The following CNTN1 variants were observed in gnomAD, a reference collection of about 807,000 sequenced individuals.
The protein encoded by CNTN1 is contactin 1.
A neutral mutation model predicts 126.4 loss-of-function variants in CNTN1; 38 were observed. That is an observed-to-expected ratio of 0.30 (90% CI 0.23 to 0.39). CNTN1 has a LOEUF of 0.39. Among genes scored for constraint, CNTN1 ranks in the 10% least tolerant of loss-of-function variants. The pLI is 1.00. For missense variants in CNTN1, 1,009 were observed against 1,248.4 expected (o/e 0.81, Z 2.89); for synonymous variants, 413 against 422.6 (o/e 0.98, Z 0.28).
At chr12:40,802,531 CTT>C (rs1237195905) in intron 1 of CNTN1, among the ~76,000 whole-genome samples, 2 of 151,942 alleles carry the variant, frequency 1.3e-5, no homozygotes, top group African/African-American at 4.8e-5. Flanking sequence ...CCAGTGCAGT[CTT>C]TTTTACATTA....
rs111652140 is a variant in CNTN1 at position 41,047,182 on chromosome 12, C to T, written c.2980+17963C>T. ...ACTCTGAGATATAATCTGTTCATGC[C>T]CTTCAGCCTTGTTTATGACAGTCAC... On this transcript the variant is annotated intron_variant, in intron 23 of 23. Coordinates refer to ENST00000551295, the MANE Select transcript of CNTN1 (RefSeq NM_001843.4). Among the ~76,000 whole-genome samples, 602 of 152,106 alleles carry T rather than the reference C, an allele frequency of 4.0e-3. 6 individuals carry two copies. Among genetic ancestry groups the T allele is most frequent in the African/African-American group, 0.014 (577 of 41,500 alleles).
chr12:41,054,757 T>C (rs533373696), intron 23 of CNTN1, among the ~76,000 whole-genome samples: 3 of 152,252 alleles, frequency 2.0e-5, no homozygotes, highest in East Asian at 1.9e-4. Context: ...AATGTACTTA[T>C]GTGATTTAGA....
chr12:40,988,116 A>G (rs1465019104), intron 16 of CNTN1, among the ~76,000 whole-genome samples: 5 of 152,166 alleles, frequency 3.3e-5, no homozygotes, highest in African/African-American at 1.2e-4. Context: ...TGCCTAACCT[A>G]TGGCTCCTTC....
intron 1 of CNTN1, among the ~76,000 whole-genome samples, chr12:40,836,420 A>G (rs932377275): frequency 2.0e-5 from 3 of 151,724 alleles, no homozygotes; most frequent in Non-Finnish European, 4.4e-5. Context: ...GGAACACACT[A>G]ATTTATTAAT....
At chr12:41,050,141 C>A (rs1949638933) in intron 23 of CNTN1, among the ~76,000 whole-genome samples, 2 of 152,140 alleles carry the variant, frequency 1.3e-5, no homozygotes, top group Non-Finnish European at 2.9e-5. Context: ...CTCAGGTGAT[C>A]CGCCTGCCTC....
At chr12:40,716,653 G>A (rs908264043) in intron 1 of CNTN1, among the ~76,000 whole-genome samples, 1 of 152,164 alleles carries the variant, frequency 6.6e-6, no homozygotes, top group African/African-American at 2.4e-5. Flanking sequence ...GGCATTGGAA[G>A]ATACATAGAT....
Position 40,949,206 on chromosome 12 carries a change from T to G in CNTN1, c.1683+5036T>G, listed in dbSNP as rs970535569. 2.7e-3 allele frequency among the ~76,000 whole-genome samples: 246 copies of G among 89,628 alleles called. 1 individual carries two copies. Among genetic ancestry groups the G allele is most frequent in the Middle Eastern group, 5.7e-3 (1 of 176 alleles). The allele number at this position is 89,628 out of a possible 152,430, so 58.8% of individuals were successfully genotyped here. Reference sequence around the variant, plus strand: ...AAAACAGAAGTCAATTTGTTTTTTTTTTTGTTTTTTTACAATTTAATCTTT... The same window carrying G: ...AAAACAGAAGTCAATTTGTTTTTTTGTTTGTTTTTTTACAATTTAATCTTT... On this transcript the variant is annotated intron_variant, in intron 14 of 23. Transcript: ENST00000551295.
At chr12:40,760,477 T>C (rs1013485065) in intron 1 of CNTN1, among the ~76,000 whole-genome samples, 1 of 152,124 alleles carries the variant, frequency 6.6e-6, no homozygotes, top group Non-Finnish European at 1.5e-5. Context: ...TGTTTTTTTT[T>C]TTGCAGTTCT....
chr12:41,008,151 G>C (rs552009640), intron 17 of CNTN1, among the ~76,000 whole-genome samples: 168 of 152,200 alleles, frequency 1.1e-3, no homozygotes, highest in Non-Finnish European at 2.1e-3. Flanking sequence ...TCAATCTAAG[G>C]GTCCTTGGAA....
chr12:40,883,696 C>CA (rs1210085737), intron 1 of CNTN1, among the ~76,000 whole-genome samples: 1 of 151,304 alleles, frequency 6.6e-6, no homozygotes, highest in Non-Finnish European at 1.5e-5. Context: ...CATTTAAAAG[C>CA]AAAAAAATAA....
At chr12:40,746,979 C>T (rs755802608) in intron 1 of CNTN1, among the ~76,000 whole-genome samples, 1 of 152,042 alleles carries the variant, frequency 6.6e-6, no homozygotes, top group East Asian at 1.9e-4. Flanking sequence ...AACTGCCTGG[C>T]CATCACCTGA....
At chr12:40,996,235 T>C (rs1316769924) in intron 17 of CNTN1, among the ~76,000 whole-genome samples, 3 of 151,842 alleles carry the variant, frequency 2.0e-5, no homozygotes, top group African/African-American at 7.3e-5. Context: ...GGTCTCAAGC[T>C]ACCCTACTGC....
intron 1 of CNTN1, among the ~76,000 whole-genome samples, chr12:40,772,900 A>G (rs949444887): frequency 6.6e-6 from 1 of 151,934 alleles, no homozygotes; most frequent in Non-Finnish European, 1.5e-5. Context: ...GTTAATTTCT[A>G]TGGGAAGTGG....
chr12:40,824,260 C>T (rs1279326642), intron 1 of CNTN1, among the ~76,000 whole-genome samples: 2 of 152,116 alleles, frequency 1.3e-5, no homozygotes, highest in African/African-American at 4.8e-5. Flanking sequence ...AAGTTCTCAT[C>T]ATAGAGAAAC....
chr12:40,862,208 TAC>T (rs145686900), intron 1 of CNTN1, among the ~76,000 whole-genome samples: 35 of 147,292 alleles, frequency 2.4e-4, no homozygotes, highest in South Asian at 6.5e-4. Flanking sequence ...TGTCTCTTAA[TAC>T]ACACACACAC....
At chr12:41,003,024 T>G (rs542670959) in intron 17 of CNTN1, among the ~76,000 whole-genome samples, 30 of 152,254 alleles carry the variant, frequency 2.0e-4, no homozygotes, top group African/African-American at 6.5e-4. Context: ...CTTGTGCCAG[T>G]TTTCAAGGTG....
intron 1 of CNTN1, among the ~76,000 whole-genome samples, chr12:40,896,647 T>G (rs1415405466): frequency 6.6e-6 from 1 of 152,220 alleles, no homozygotes; most frequent in Non-Finnish European, 1.5e-5. Flanking sequence ...ACAAAGAAAA[T>G]ACTTCTCCAA....
Position 40,923,627 on chromosome 12 carries a change from C to T in CNTN1, c.401-930C>T, listed in dbSNP as rs76086321. Among the ~76,000 whole-genome samples, 184 of 152,000 alleles carry T rather than the reference C, an allele frequency of 1.2e-3. 2 individuals carry two copies. The East Asian group carries it at 0.018, about 15-fold the overall frequency. Reference sequence around the variant, plus strand: ...GTTCTCATTAATAATGGGATGGGAGCAAGAAAAACCAATTTCAAGGATGGC... The same window carrying T: ...GTTCTCATTAATAATGGGATGGGAGTAAGAAAAACCAATTTCAAGGATGGC... On this transcript the variant is annotated intron_variant, in intron 5 of 23. Transcript: ENST00000551295.
At chr12:40,971,309 C>T (rs1162329339) in intron 15 of CNTN1, 2 of 781,648 alleles carry the variant, frequency 2.6e-6, no homozygotes, top group East Asian at 2.7e-5. Context: ...GGGGAAGATA[C>T]CTTTCTGTGT....
Sources: gnomAD v4.1 joint callset for allele counts (sites outside exome capture counted in the v4.1 genomes callset) on GRCh38, gnomAD v4.1.1 for gene constraint, MANE v1.5 for transcripts, NCBI Gene and HGNC (gene_info 2026-07-23, HGNC 2026-07-21) for gene names.